ILDR2: variants seen among roughly 807,000 people sequenced by gnomAD.
ILDR2 encodes the protein immunoglobulin like domain containing receptor 2.
A neutral mutation model predicts 66.8 loss-of-function variants in ILDR2; 25 were observed. That is an observed-to-expected ratio of 0.37 (90% CI 0.27 to 0.52). The LOEUF (loss-of-function observed/expected upper bound fraction) is 0.52. Ranked by LOEUF, ILDR2 falls within the 20% of genes least tolerant of loss-of-function variation. ILDR2 has a pLI of 0.88. For synonymous variants in ILDR2, 367 were observed against 357.2 expected, an observed-to-expected ratio of 1.03 and a Z score of -0.31; for missense variants, 827 against 876.8, an observed-to-expected ratio of 0.94 and a Z score of 0.72.
At chr1:166,975,129 T>G in intron 1 of ILDR2, 94 bp downstream of exon 1, 3 of 1,067,344 alleles carry the variant, frequency 2.8e-6, no homozygotes, top group Non-Finnish European at 4.3e-6. Context: ...ACATGGTCAG[T>G]AAGGAGGAAA....
intron 3 of ILDR2, among the ~76,000 whole-genome samples, chr1:166,947,460 C>T (rs1201776386): frequency 3.3e-5 from 5 of 152,368 alleles, no homozygotes. Context: ...CTTTCCCAGA[C>T]CCTCTCATGG....
chr1:166,920,465 C>T (rs1373529787), intron 9 of ILDR2, among the ~76,000 whole-genome samples: 1 of 152,192 alleles, frequency 6.6e-6, no homozygotes, highest in African/African-American at 2.4e-5. Context: ...CAACTTTCTG[C>T]CTGTTTTTCA....
chr1:166,921,076 G>A lies in ILDR2; in HGVS notation c.1515C>T (p.Ala505=). The A allele has an allele frequency of 1.3e-6, 2 of 1,487,944 alleles. No homozygotes were observed. The highest frequency in any genetic ancestry group is 1.3e-5 in the South Asian group (1 of 77,132). 92.2% of individuals were successfully genotyped at this position (1,487,944 alleles called of 1,614,324 possible). Residue 505 remains alanine, a synonymous_variant, in exon 9 of 10, where the codon GCC becomes GCT. Coordinates refer to ENST00000271417, the MANE Select transcript of ILDR2 (RefSeq NM_199351.3). This position sits in a 1 kb window ranked among gnomAD's most constrained non-coding sequence, Gnocchi z 5.3. ...WAFSPARRRP[A]EDAHLPRLVS... is the part of the protein sequence containing the mutation. ...CCAGCCGCGGCAGGTGCGCGTCCTC[G>A]GCGGGTCTGCGGCGCGCGGGGCTGA...
rs1557921231 is a variant in ILDR2, at chr1:166,909,750, T to TATATAAAA, written c.*9604_*9605insTTTTATAT. On this transcript the variant is annotated 3_prime_UTR_variant, in exon 10 of 10. Coordinates refer to ENST00000271417, the MANE Select transcript of ILDR2 (RefSeq NM_199351.3). ...GTGTATACATACATATATATATATATATATATATAAATATATATAAATATA... is the reference window on the plus strand; with the variant it reads ...GTGTATACATACATATATATATATATATATAAAAATATATATAAATATATATAAATATA... 4 of 108,014 alleles carry TATATAAAA rather than the reference T, an allele frequency of 3.7e-5. No individual in the cohort carries two copies. Among genetic ancestry groups the TATATAAAA allele is most frequent in the African/African-American group, 1.2e-4 (3 of 24,542 alleles). The allele number at this position is 108,014 out of a possible 1,614,324, so 6.7% of individuals were successfully genotyped here.
chr1:166,954,976 TG>T (rs1441491320), intron 3 of ILDR2, among the ~76,000 whole-genome samples: 1 of 152,238 alleles, frequency 6.6e-6, no homozygotes, highest in East Asian at 1.9e-4. Context: ...ATGGCTGCCC[TG>T]GCCAAATAAC....
chr1:166,950,634 T>C (rs1053654341), intron 3 of ILDR2, among the ~76,000 whole-genome samples: 12 of 152,048 alleles, frequency 7.9e-5, no homozygotes, highest in African/African-American at 2.7e-4. Context: ...GATTTTATAC[T>C]ATATGGCTTT....
rs1659694391 is a variant in ILDR2, at chr1:166,917,651, T to C, written c.*1704A>G. 1 of 152,168 alleles carries C rather than the reference T, an allele frequency of 6.6e-6. No homozygotes were observed. The highest frequency in any genetic ancestry group is 1.5e-5 in the Non-Finnish European group (1 of 68,020). 9.4% of individuals were successfully genotyped at this position (152,168 alleles called of 1,614,324 possible). The stretch of plus-strand genomic sequence containing the variant: ...GGATTAAGAGGTTCAGGGATGAACA[T>C]TCAGACAAGAACGAGTCAGGTTTGT... On this transcript the variant is annotated 3_prime_UTR_variant, in exon 10 of 10. Transcript: ENST00000271417.
At chr1:166,947,540 A>T (rs1190735272) in intron 3 of ILDR2, among the ~76,000 whole-genome samples, 1 of 152,226 alleles carries the variant, frequency 6.6e-6, no homozygotes, top group African/African-American at 2.4e-5. Context: ...GAATAGCGGC[A>T]GCTGGCTTTG....
chr1:166,947,613 G>T (rs911763781), intron 3 of ILDR2, among the ~76,000 whole-genome samples: 8 of 152,046 alleles, frequency 5.3e-5, no homozygotes, highest in Non-Finnish European at 1.0e-4. Context: ...TCTTTCCAGG[G>T]GCTGAGCCAA....
At chr1:166,919,458 T>C (rs946762702) in intron 9 of ILDR2, 68 bp from the exon 10 acceptor site, 5 of 1,468,372 alleles carry the variant, frequency 3.4e-6, no homozygotes, top group South Asian at 1.2e-5. Flanking sequence ...GAATAACAGA[T>C]GGTTCTCTGG....
In ILDR2 at chr1:166,913,426, T is replaced by C. The variant is rs1336605808; in HGVS notation, c.*5929A>G. ...GTTCTTTATTCTCACACAGCAAATT[T>C]CTTATGCAGTCGTGTCTAATACTTT... On this transcript the variant is annotated 3_prime_UTR_variant, in exon 10 of 10. Transcript: ENST00000271417. 1 of 152,170 alleles carries C rather than the reference T, an allele frequency of 6.6e-6. No homozygotes were observed. The highest frequency in any genetic ancestry group is 1.9e-4 in the East Asian group (1 of 5,186). 9.4% of individuals were successfully genotyped at this position (152,170 alleles called of 1,614,324 possible).
At chr1:166,940,157 G>T (rs1661225076) in intron 3 of ILDR2, among the ~76,000 whole-genome samples, 1 of 152,168 alleles carries the variant, frequency 6.6e-6, no homozygotes. Flanking sequence ...TACATATGTA[G>T]ATGGTATGGC....
At chr1:166,937,072 C>G (rs1001209839) in intron 4 of ILDR2, among the ~76,000 whole-genome samples, 1 of 152,136 alleles carries the variant, frequency 6.6e-6, no homozygotes, top group African/African-American at 2.4e-5. Context: ...AGGATGGGAC[C>G]AGAGCTGAAA....
chr1:166,922,947 G>C (rs1660046348), intron 7 of ILDR2, 138 bp from the exon 8 acceptor site: 5 of 690,936 alleles, frequency 7.2e-6, no homozygotes, highest in Non-Finnish European at 1.3e-5. Context: ...TTGTAAGCCT[G>C]AACTAGTGGT....
intron 9 of ILDR2, among the ~76,000 whole-genome samples, chr1:166,919,734 T>C (rs1382924694): frequency 6.6e-6 from 1 of 152,208 alleles, no homozygotes; most frequent in Non-Finnish European, 1.5e-5. Context: ...GGTTATTGCA[T>C]TTTTTTATTT....
At position 166,935,433 on chromosome 1, in the gene ILDR2, CAGAG is replaced by C. The variant is rs764326554; in HGVS notation, c.744_747del (p.Val250ProfsTer23). ...GAGTAAGGGCCGGGGACACCGGAGA[CAGAG>C]GGAGGGTACCCGGCCTTTGCTGCTT... On this transcript the variant is annotated frameshift_variant, in exon 6 of 10. Coordinates refer to ENST00000271417, the MANE Select transcript of ILDR2 (RefSeq NM_199351.3). LOFTEE classifies it high-confidence loss of function. 1 of 1,611,922 alleles carries C rather than the reference CAGAG, an allele frequency of 6.2e-7. No individual in the cohort carries two copies. Among genetic ancestry groups the C allele is most frequent in the Non-Finnish European group, 8.5e-7 (1 of 1,178,892 alleles).
In ILDR2 at chr1:166,922,700, C is replaced by T; in HGVS notation, c.1104G>A (p.Glu368=). 1 of 1,614,232 alleles carries T rather than the reference C, an allele frequency of 6.2e-7. No homozygotes were observed. Among genetic ancestry groups the T allele is most frequent in the Non-Finnish European group, 8.5e-7 (1 of 1,180,044 alleles). Residue 368 remains glutamate (E), a synonymous_variant, in exon 8 of 10, where the codon GAG becomes GAA. Transcript: ENST00000271417. ...SKQFPVSGDL[E]SNPDYWSGVM... ...CACCTGACCAATAGTCAGGATTGCT[C>T]TCCAAGTCCCCAGACACAGGGAACT...
rs143372574 is a variant in ILDR2, at chr1:166,953,904, A to G, written c.499+2829T>C. Among the ~76,000 whole-genome samples, 400 of 152,320 alleles carry G rather than the reference A, an allele frequency of 2.6e-3. 1 individual carries two copies. Among genetic ancestry groups the G allele is most frequent in the African/African-American group, 8.4e-3 (348 of 41,576 alleles). On this transcript the variant is annotated intron_variant, in intron 3 of 9. Transcript: ENST00000271417. ...CTGAGAATACTTATTCCATCTTTAG[A>G]TGTCTCCAGTTGTTAATGTTAGATG...
Position 166,920,909 on chromosome 1 carries a change from C to G in ILDR2, c.1682G>C (p.Arg561Pro). Residue 561 changes from arginine (R) to proline (P), a missense_variant, in exon 9 of 10, where the codon CGC becomes CCC. Arg to Pro is a moderately radical substitution (Grantham distance 103). This residue lies in a region of ILDR2 where 390 missense variants were observed against 353.6 expected (regional missense o/e 1.10). Transcript: ENST00000271417. ...CGACCAAGCGTAGTAGGAGGCGCTG[C>G]GCGGGCCGAGCTGCGCGCTCCGCTT... ...PSKRSAQLGP[R>P]SASYYAWSPP... 3.4e-6 allele frequency: 5 copies of G among 1,476,484 alleles called. No individual in the cohort carries two copies. The highest frequency in any genetic ancestry group is 4.5e-6 in the Non-Finnish European group (5 of 1,119,762). 91.5% of individuals were successfully genotyped at this position (1,476,484 alleles called of 1,614,324 possible). A position where few individuals can be genotyped will look rare whatever the true frequency, so the allele number is the denominator to read the frequency against.
Sources: allele counts gnomAD v4.1 joint callset (sites outside exome capture counted in the v4.1 genomes callset), GRCh38; gene constraint gnomAD v4.1.1; regional missense constraint gnomAD v4.1.1; non-coding constraint Gnocchi (gnomAD v3.1); transcripts MANE v1.5; gene names NCBI Gene and HGNC (gene_info 2026-07-23, HGNC 2026-07-21).